TTLL5: variants seen among roughly 807,000 people sequenced by gnomAD.
The protein encoded by TTLL5 is tubulin polyglutamylase TTLL5.
TTLL5 carries 132 observed loss-of-function variants against 168.4 expected under a neutral mutation model. That is an observed-to-expected ratio of 0.78 (90% CI 0.68 to 0.91). The LOEUF is 0.91. TTLL5 is among the 40% of genes least tolerant of loss of function. TTLL5 has a pLI of 0.00. For synonymous variants in TTLL5, 546 were observed against 558.6 expected, an observed-to-expected ratio of 0.98 and a Z score of 0.32; for missense variants, 1,545 against 1,581.5, an observed-to-expected ratio of 0.98 and a Z score of 0.39.
At chr14:75,801,077 A>G (rs934594733) in intron 27 of TTLL5, among the ~76,000 whole-genome samples, 1 of 152,110 alleles carries the variant, frequency 6.6e-6, no homozygotes, top group Admixed American at 6.6e-5. Context: ...GGGCGGGGCC[A>G]CAGAGCTCCC....
At chr14:75,870,435 T>C (rs995743522) in intron 29 of TTLL5, among the ~76,000 whole-genome samples, 3 of 151,640 alleles carry the variant, frequency 2.0e-5, no homozygotes, top group Non-Finnish European at 2.9e-5. Flanking sequence ...GAAAGAAATA[T>C]CTTAATAAGG....
intron 15 of TTLL5, among the ~76,000 whole-genome samples, chr14:75,743,870 C>T (rs938666648): frequency 5.9e-5 from 9 of 152,022 alleles, no homozygotes; most frequent in African/African-American, 1.9e-4. Context: ...CATGAGCCAC[C>T]GTGCCCAGCC....
intron 12 of TTLL5, among the ~76,000 whole-genome samples, chr14:75,721,932 T>A (rs1332511203): frequency 2.0e-5 from 3 of 152,204 alleles, no homozygotes; most frequent in Admixed American, 1.3e-4. Context: ...GAAGAGGTTG[T>A]AATATATTTT....
intron 31 of TTLL5, among the ~76,000 whole-genome samples, chr14:75,907,545 T>C (rs1363603365): frequency 2.0e-5 from 3 of 152,120 alleles, no homozygotes; most frequent in African/African-American, 7.2e-5. Flanking sequence ...ACCCCAGGAG[T>C]GCAAAAGAGA....
chr14:75,884,538 G>A (rs1399881262), intron 30 of TTLL5, among the ~76,000 whole-genome samples: 2 of 152,178 alleles, frequency 1.3e-5, no homozygotes, highest in African/African-American at 4.8e-5. Flanking sequence ...TGGGAAAACC[G>A]GAAACAGCTC....
chr14:75,878,073 A>G (rs1017412214), intron 29 of TTLL5, among the ~76,000 whole-genome samples: 4 of 152,208 alleles, frequency 2.6e-5, no homozygotes, highest in African/African-American at 7.2e-5. Context: ...GTATTACAGT[A>G]TAATCACCAA....
intron 7 of TTLL5, among the ~76,000 whole-genome samples, chr14:75,704,979 G>A (rs1266046277): frequency 6.6e-6 from 1 of 152,218 alleles, no homozygotes; most frequent in Non-Finnish European, 1.5e-5. Flanking sequence ...GAAAAGTTGG[G>A]TGAGTAGATA....
chr14:75,907,433 A>G (rs1011569363), intron 31 of TTLL5, among the ~76,000 whole-genome samples: 3 of 152,188 alleles, frequency 2.0e-5, no homozygotes, highest in African/African-American at 7.2e-5. Flanking sequence ...GTTCTGCCCT[A>G]CACACTGATG....
chr14:75,904,680 A>G (rs2033072338), intron 31 of TTLL5, among the ~76,000 whole-genome samples: 1 of 152,110 alleles, frequency 6.6e-6, no homozygotes, highest in Non-Finnish European at 1.5e-5. Flanking sequence ...TCTCATAGTG[A>G]CCTTTCCCTG....
At chr14:75,819,524 A>C (rs142516320) in intron 27 of TTLL5, among the ~76,000 whole-genome samples, 1 of 152,240 alleles carries the variant, frequency 6.6e-6, no homozygotes, top group East Asian at 1.9e-4. Flanking sequence ...TTCTTTGTAC[A>C]TTATTTATTG....
chr14:75,936,476 TCA>T (rs1456051085), intron 31 of TTLL5, among the ~76,000 whole-genome samples: 1 of 152,196 alleles, frequency 6.6e-6, no homozygotes, highest in African/African-American at 2.4e-5. Context: ...GTATTTCTCA[TCA>T]CAGCTTCATT....
intron 21 of TTLL5, 58 bp downstream of exon 21, chr14:75,771,912 T>A (rs1051421176): frequency 4.8e-4 from 10 of 21,038 alleles, no homozygotes; most frequent in Non-Finnish European, 1.1e-3. Flanking sequence ...TCTTTCTGTA[T>A]TTTTTTTTTT....
intron 18 of TTLL5, chr14:75,757,838 C>A: frequency 1.3e-6 from 2 of 1,590,982 alleles, no homozygotes; most frequent in African/African-American, 1.3e-5. Context: ...TAGGGGAAAC[C>A]CAAGAAGAAG....
intron 20 of TTLL5, among the ~76,000 whole-genome samples, chr14:75,771,046 T>TA (rs960882144): frequency 2.0e-5 from 3 of 152,332 alleles, no homozygotes; most frequent in African/African-American, 2.4e-5. Flanking sequence ...CCTCCAAATG[T>TA]AAAAAACATT....
chr14:75,857,410 TAG>T (rs1379509997), intron 28 of TTLL5, among the ~76,000 whole-genome samples: 26 of 152,024 alleles, frequency 1.7e-4, no homozygotes, highest in African/African-American at 6.0e-4. Context: ...GATAGATAGA[TAG>T]ATAGATTTTA....
intron 26 of TTLL5, among the ~76,000 whole-genome samples, chr14:75,788,824 A>C (rs1292083371): frequency 6.6e-6 from 1 of 152,148 alleles, no homozygotes; most frequent in African/African-American, 2.4e-5. Flanking sequence ...GACTGGCTTT[A>C]TTTATTAACA....
chr14:75,863,070 G>A (rs2030162477), intron 28 of TTLL5, among the ~76,000 whole-genome samples: 1 of 152,188 alleles, frequency 6.6e-6, no homozygotes, highest in South Asian at 2.1e-4. Context: ...TGTACAGATT[G>A]TCAGCCTCAG....
At chr14:75,791,433 A>G (rs1429509009) in intron 26 of TTLL5, among the ~76,000 whole-genome samples, 1 of 152,234 alleles carries the variant, frequency 6.6e-6, no homozygotes, top group Non-Finnish European at 1.5e-5. Context: ...ATAACAGAGC[A>G]AGTCCCAGGA....
intron 28 of TTLL5, among the ~76,000 whole-genome samples, chr14:75,850,643 A>G (rs951304698): frequency 2.0e-5 from 3 of 152,186 alleles, no homozygotes; most frequent in African/African-American, 4.8e-5. Flanking sequence ...TCCATGGAAT[A>G]ATGAATACCT....
Sources: allele counts gnomAD v4.1 joint callset (sites outside exome capture counted in the v4.1 genomes callset), GRCh38; gene constraint gnomAD v4.1.1; transcripts MANE v1.5; gene names NCBI Gene and HGNC (gene_info 2026-07-23, HGNC 2026-07-21).